Variants in RBMS3 observed in about 807,000 individuals in gnomAD.
The protein encoded by RBMS3 is RNA binding motif single stranded interacting protein 3.
In RBMS3, 27 loss-of-function variants were observed where a neutral mutation model predicts 66.8. The observed-to-expected ratio is 0.40, with a 90% confidence interval of 0.30 to 0.56. The LOEUF (loss-of-function observed/expected upper bound fraction) is 0.56. Ranked by LOEUF, RBMS3 falls within the 20% of genes least tolerant of loss-of-function variation. The pLI is 0.40. For missense variants in RBMS3, 513 were observed against 549.5 expected, an observed-to-expected ratio of 0.93 and a Z score of 0.66; for synonymous variants, 188 against 183.0, an observed-to-expected ratio of 1.03 and a Z score of -0.22.
At chr3:29,883,890 G>A (rs2059794591) in intron 7 of RBMS3, among the ~76,000 whole-genome samples, 1 of 151,894 alleles carries the variant, frequency 6.6e-6, no homozygotes, top group African/African-American at 2.4e-5. Context: ...GTTAGACAGT[G>A]GATGTTTTAA....
At chr3:29,938,852 C>T (rs2061328127) in intron 11 of RBMS3, among the ~76,000 whole-genome samples, 1 of 151,946 alleles carries the variant, frequency 6.6e-6, no homozygotes, top group South Asian at 2.1e-4. Flanking sequence ...CTTAACCTCT[C>T]AGAACTTTCT....
chr3:29,995,387 A>G (rs1699156031), intron 14 of RBMS3, among the ~76,000 whole-genome samples: 1 of 152,208 alleles, frequency 6.6e-6, no homozygotes, highest in South Asian at 2.1e-4. Flanking sequence ...AGGCAGGCCA[A>G]CGTTCAGATT....
At chr3:29,325,555 T>C (rs1047459652) in intron 1 of RBMS3, among the ~76,000 whole-genome samples, 6 of 151,660 alleles carry the variant, frequency 4.0e-5, no homozygotes, top group Non-Finnish European at 8.8e-5. Flanking sequence ...TGTGTATATA[T>C]GTGTGTATGT....
chr3:29,284,334 A>T (rs1369596512), intron 1 of RBMS3, among the ~76,000 whole-genome samples: 2 of 152,092 alleles, frequency 1.3e-5, no homozygotes, highest in Non-Finnish European at 2.9e-5. Flanking sequence ...TCTTCCTGCC[A>T]ATCCACAAGG....
At chr3:29,586,057 G>T (rs1299332744) in intron 3 of RBMS3, among the ~76,000 whole-genome samples, 1 of 152,016 alleles carries the variant, frequency 6.6e-6, no homozygotes, top group African/African-American at 2.4e-5. Context: ...TAGGTTAGTA[G>T]GTTTGCTTCA....
chr3:29,446,646 G>A (rs1418495051), intron 2 of RBMS3, among the ~76,000 whole-genome samples: 1 of 152,056 alleles, frequency 6.6e-6, no homozygotes, highest in African/African-American at 2.4e-5. Context: ...TGTCATAATA[G>A]TATGCTTTGA....
At chr3:29,736,699 A>G (rs2149344510) in intron 4 of RBMS3, among the ~76,000 whole-genome samples, 1 of 152,316 alleles carries the variant, frequency 6.6e-6, no homozygotes, top group South Asian at 2.1e-4. Context: ...GTAGTTCTAG[A>G]CATGTGGGAC....
chr3:29,299,922 A>C (rs1044063953), intron 1 of RBMS3, among the ~76,000 whole-genome samples: 3 of 151,922 alleles, frequency 2.0e-5, no homozygotes, highest in African/African-American at 7.2e-5. Context: ...GAAGGCCTGC[A>C]GTATATATGA....
chr3:29,578,790 CTTTTTTT>C (rs1185861167), intron 3 of RBMS3, among the ~76,000 whole-genome samples: 2 of 101,062 alleles, frequency 2.0e-5, no homozygotes, highest in South Asian at 7.5e-4. Flanking sequence ...ATACATGCTT[CTTTTTTT>C]TTTTTTTTTT....
At chr3:29,940,790 G>C (rs992586957) in intron 11 of RBMS3, among the ~76,000 whole-genome samples, 3 of 150,628 alleles carry the variant, frequency 2.0e-5, no homozygotes, top group African/African-American at 7.3e-5. Flanking sequence ...TATGCAAGCA[G>C]TGTAACTGTT....
At chr3:29,349,707 A>G (rs577866426) in intron 1 of RBMS3, among the ~76,000 whole-genome samples, 2 of 152,306 alleles carry the variant, frequency 1.3e-5, no homozygotes, top group Admixed American at 1.3e-4. Flanking sequence ...CGTGTGTCTA[A>G]CAACTCAGCT....
chr3:29,281,545 A>T lies in RBMS3; in HGVS notation c.-137A>T. On this transcript the variant is annotated 5_prime_UTR_variant, in exon 1 of 15. Transcript: ENST00000383767. ...TTTAAAAAAATTCTTGCTGTGTTGGAACTAGCGAGTGGTGGAGTCTCTGAA... is the reference window on the plus strand; with the variant it reads ...TTTAAAAAAATTCTTGCTGTGTTGGTACTAGCGAGTGGTGGAGTCTCTGAA... 1 of 655,320 alleles carries T rather than the reference A, an allele frequency of 1.5e-6. No homozygotes were observed. Among genetic ancestry groups the T allele is most frequent in the Non-Finnish European group, 2.7e-6 (1 of 370,020 alleles). 40.6% of individuals were successfully genotyped at this position (655,320 alleles called of 1,614,324 possible). A position where few individuals can be genotyped will look rare whatever the true frequency, so the allele number is the denominator to read the frequency against.
chr3:29,380,043 A>C (rs1025842078), intron 1 of RBMS3, among the ~76,000 whole-genome samples: 2 of 152,186 alleles, frequency 1.3e-5, no homozygotes, highest in African/African-American at 4.8e-5. Context: ...TGACAGGGGG[A>C]AAGAGCAAAA....
intron 10 of RBMS3, among the ~76,000 whole-genome samples, chr3:29,927,568 A>G (rs528350984): frequency 6.6e-6 from 1 of 152,340 alleles, no homozygotes; most frequent in African/African-American, 2.4e-5. Context: ...GGTCAGTCAT[A>G]GGAGTTATTC....
chr3:29,711,851 A>G (rs2053184493), intron 4 of RBMS3, among the ~76,000 whole-genome samples: 1 of 152,206 alleles, frequency 6.6e-6, no homozygotes, highest in Admixed American at 6.5e-5. Context: ...AAAATAATAA[A>G]GCAAACCAAC....
At chr3:29,938,777 T>C (rs1026463975) in intron 11 of RBMS3, among the ~76,000 whole-genome samples, 1 of 151,962 alleles carries the variant, frequency 6.6e-6, no homozygotes, top group Non-Finnish European at 1.5e-5. Flanking sequence ...GTTGGCTTTG[T>C]TTTTAAACTT....
chr3:29,832,945 ACT>A (rs1265094447), intron 6 of RBMS3, among the ~76,000 whole-genome samples: 1 of 152,094 alleles, frequency 6.6e-6, no homozygotes, highest in Admixed American at 6.6e-5. Context: ...ACCAAGCATG[ACT>A]CTGCAAGATT....
intron 12 of RBMS3, among the ~76,000 whole-genome samples, chr3:29,946,295 C>A (rs1249295618): frequency 2.0e-5 from 3 of 151,650 alleles, no homozygotes; most frequent in Non-Finnish European, 4.4e-5. Context: ...ATATCTCCTT[C>A]CCAAATCTTC....
At chr3:29,696,753 C>T (rs748537648) in intron 4 of RBMS3, among the ~76,000 whole-genome samples, 6 of 152,070 alleles carry the variant, frequency 3.9e-5, no homozygotes, top group East Asian at 1.9e-4. Context: ...AGATGGCGAT[C>T]GGGACAAGAG....
Sources: allele counts gnomAD v4.1 joint callset (sites outside exome capture counted in the v4.1 genomes callset), GRCh38; gene constraint gnomAD v4.1.1; transcripts MANE v1.5; gene names NCBI Gene and HGNC (gene_info 2026-07-23, HGNC 2026-07-21).